UBR4: variants seen among roughly 807,000 people sequenced by gnomAD.
UBR4 encodes ubiquitin protein ligase E3 component n-recognin 4.
Under a neutral mutation model 575.6 loss-of-function variants are expected in UBR4, and 124 were observed. The ratio of observed to expected loss-of-function variants is 0.22; its 90% CI spans 0.19 to 0.25. The LOEUF (loss-of-function observed/expected upper bound fraction) is 0.25. Ranked by LOEUF, UBR4 falls within the 10% of genes least tolerant of loss-of-function variation. The pLI is 1.00. For missense variants in UBR4, 4,818 were observed against 6,478.8 expected (o/e 0.74, Z 8.80); for synonymous variants, 2,455 against 2,473.7 (o/e 0.99, Z 0.22).
chr1:19,082,922 A>G (rs1241198162), intron 102 of UBR4, among the ~76,000 whole-genome samples: 1 of 152,168 alleles, frequency 6.6e-6, no homozygotes, highest in Non-Finnish European at 1.5e-5. Context: ...ACTGTGACCA[A>G]GCTCCCACCA....
At chr1:19,092,958 C>G (rs139875558) in intron 96 of UBR4, 40 bp from the exon 97 acceptor site, 1,321 of 1,571,940 alleles carry the variant, frequency 8.4e-4, no homozygotes, top group Admixed American at 2.5e-3. Context: ...GCCAGGGAAG[C>G]AAAGGCTACC....
At chr1:19,175,802 G>GC (rs1557912613) in intron 20 of UBR4, among the ~76,000 whole-genome samples, 1 of 151,732 alleles carries the variant, frequency 6.6e-6, no homozygotes, top group Non-Finnish European at 1.5e-5. Flanking sequence ...TAGTTTTTAT[G>GC]TTTTTTTTGA....
At chr1:19,178,640 T>G (rs1387199825) in intron 18 of UBR4, among the ~76,000 whole-genome samples, 1 of 152,218 alleles carries the variant, frequency 6.6e-6, no homozygotes. Context: ...TTTAGATGAT[T>G]AATCTGAGCT....
intron 102 of UBR4, 126 bp downstream of exon 102, chr1:19,084,378 G>T (rs377168698): frequency 3.1e-6 from 3 of 972,006 alleles, no homozygotes. Flanking sequence ...CGGCAAAAAG[G>T]CTGCCTTAGG....
chr1:19,176,763 C>A (rs1487885295), intron 19 of UBR4, 36 bp from the exon 20 acceptor site: 1 of 1,606,156 alleles, frequency 6.2e-7, no homozygotes, highest in Admixed American at 1.7e-5. Context: ...AAGAAAGATA[C>A]ACAGTCACCA....
At position 19,093,222 on chromosome 1, in the gene UBR4, ACGTGAAG is replaced by A; in HGVS notation, c.14111+84_14111+90del. ...AGGCCCCAAGGAGGGCAAGGGGCAC[ACGTGAAG>A]CTTTATGCCAAGATGCTGATGGAGA... is the stretch of plus-strand genomic sequence containing the variant. On this transcript the variant is annotated intron_variant, in intron 96 of 105. Transcript: ENST00000375254. The surrounding 1 kb of genome is among the most constrained non-coding windows in gnomAD (Gnocchi z 4.8). The A allele has an allele frequency of 1.3e-6, 2 of 1,507,894 alleles. No homozygotes were observed. The highest frequency in any genetic ancestry group is 2.8e-5 in the African/African-American group (2 of 72,194). The allele number at this position is 1,507,894 out of a possible 1,614,324, so 93.4% of individuals were successfully genotyped here. A position where few individuals can be genotyped will look rare whatever the true frequency, so the allele number is the denominator to read the frequency against.
At chr1:19,173,971 A>C (rs2089935737) in intron 22 of UBR4, among the ~76,000 whole-genome samples, 1 of 152,240 alleles carries the variant, frequency 6.6e-6, no homozygotes, top group Admixed American at 6.5e-5. Flanking sequence ...TGTGGCCTGG[A>C]ATTGCTTCTA....
In UBR4 at chr1:19,192,457, AGCAGAGACAGATAC is replaced by A. The variant is rs766936565; in HGVS notation, c.1203+10_1203+23del. 1 of 1,614,226 alleles carries A rather than the reference AGCAGAGACAGATAC, an allele frequency of 6.2e-7. No homozygotes were observed. The highest frequency in any genetic ancestry group is 1.7e-5 in the Admixed American group (1 of 60,024). ...AGAGAGGACAAGATAGGAAGTATGC[AGCAGAGACAGATAC>A]GCTTCTTACCTCACCACCAGCCCGG... is the stretch of plus-strand genomic sequence containing the variant. On this transcript the variant is annotated intron_variant, in intron 10 of 105. Transcript: ENST00000375254.
At position 19,084,607 on chromosome 1, in the gene UBR4, C is replaced by T; in HGVS notation, c.14905G>A (p.Ala4969Thr). 6.2e-7 allele frequency: 1 copy of T among 1,614,096 alleles called. No homozygotes were observed. The highest frequency in any genetic ancestry group is 8.5e-7 in the Non-Finnish European group (1 of 1,179,966). ...TCTGCGCTGAACGACTGCTCCATGG[C>T]GAAGCGCAGGAAGAGCAGTTTGATG... Reference protein sequence around the residue: ...HDIKLLFLRFAMEQSFSADTG... With the variant: ...HDIKLLFLRFTMEQSFSADTG... The change falls in exon 102 of 106, where the codon GCC (alanine) becomes ACC (threonine). Residue 4969 changes from alanine (A) to threonine (T), a missense_variant. Ala to Thr is a moderately conservative substitution (Grantham distance 58). Transcript: ENST00000375254.
intron 55 of UBR4, among the ~76,000 whole-genome samples, chr1:19,143,488 T>C (rs555452688): frequency 1.6e-4 from 24 of 152,326 alleles, no homozygotes; most frequent in African/African-American, 4.8e-4. Flanking sequence ...GTACTGTGTA[T>C]TGTGAGGGAA....
At chr1:19,190,202 A>C (rs1302903246) in intron 11 of UBR4, among the ~76,000 whole-genome samples, 1 of 149,912 alleles carries the variant, frequency 6.7e-6, no homozygotes, top group Non-Finnish European at 1.5e-5. Flanking sequence ...CTGAGGCACA[A>C]GAATTGCTTG....
chr1:19,121,485 T>TCC (rs2081172248), intron 67 of UBR4, 51 bp from the exon 68 acceptor site: 1 of 1,569,174 alleles, frequency 6.4e-7, no homozygotes, highest in Admixed American at 1.9e-5. Flanking sequence ...TCAACCAGAC[T>TCC]CAGGAGAACC....
chr1:19,168,018 G>A lies in UBR4; in HGVS notation c.3899+9C>T, dbSNP rs2088815866. The stretch of plus-strand genomic sequence containing the variant: ...ATAGAGTCCTTGGGGCTAGGTAGTA[G>A]GTACTTACACAATAAGATCTCCAGT... On this transcript the variant is annotated intron_variant, in intron 28 of 105. Coordinates refer to ENST00000375254, the MANE Select transcript of UBR4 (RefSeq NM_020765.3). 6.2e-7 allele frequency: 1 copy of A among 1,605,446 alleles called. No individual in the cohort carries two copies. Among genetic ancestry groups the A allele is most frequent in the Admixed American group, 1.7e-5 (1 of 59,498 alleles).
In UBR4 at chr1:19,100,014, G is replaced by T; in HGVS notation, c.13222-337C>A. The T allele has an allele frequency of 2.3e-6, 1 of 428,716 alleles. No homozygotes were observed. The highest frequency in any genetic ancestry group is 4.2e-6 in the Non-Finnish European group (1 of 239,552). 26.6% of individuals were successfully genotyped at this position (428,716 alleles called of 1,614,324 possible). On this transcript the variant is annotated intron_variant, in intron 89 of 105. Coordinates refer to ENST00000375254, the MANE Select transcript of UBR4 (RefSeq NM_020765.3). The surrounding 1 kb of genome is among the most constrained non-coding windows in gnomAD (Gnocchi z 4.2). ...GTCTGCCAGAAAGTAACTGACACGG[G>T]GACATAAACCTGCACAGGGGGTAAA...
chr1:19,105,626 ACCC>A, intron 84 of UBR4, 104 bp downstream of exon 84: 1 of 852,346 alleles, frequency 1.2e-6, no homozygotes, highest in Non-Finnish European at 1.8e-6. Flanking sequence ...GGGGTCTTCT[ACCC>A]AGAGGTGTGC....
intron 63 of UBR4, among the ~76,000 whole-genome samples, chr1:19,127,396 C>T (rs918473561): frequency 6.6e-6 from 1 of 152,140 alleles, no homozygotes; most frequent in African/African-American, 2.4e-5. Flanking sequence ...ACTTCCAAAC[C>T]CTTTTACCCC....
intron 7 of UBR4, 106 bp downstream of exon 7, chr1:19,197,564 T>A (rs1027130658): frequency 1.4e-6 from 2 of 1,476,820 alleles, no homozygotes; most frequent in Non-Finnish European, 1.8e-6. Context: ...GGAGACGAGG[T>A]TACAGTGAAC....
chr1:19,142,252 G>A (rs1438156937), intron 55 of UBR4, among the ~76,000 whole-genome samples: 1 of 152,136 alleles, frequency 6.6e-6, no homozygotes, highest in African/African-American at 2.4e-5. Context: ...ACTATGAGAA[G>A]AACCAGAATT....
intron 27 of UBR4, among the ~76,000 whole-genome samples, chr1:19,168,910 G>A (rs1042602397): frequency 6.6e-6 from 1 of 150,832 alleles, no homozygotes; most frequent in Non-Finnish European, 1.5e-5. Flanking sequence ...CCCGGGAGGC[G>A]GAGCTTGCAG....
Sources: gnomAD v4.1 joint callset for allele counts (sites outside exome capture counted in the v4.1 genomes callset) on GRCh38, gnomAD v4.1.1 for gene constraint, Gnocchi (gnomAD v3.1) non-coding constraint, MANE v1.5 for transcripts, NCBI Gene and HGNC (gene_info 2026-07-23, HGNC 2026-07-21) for gene names.